WDFY1: variants seen among roughly 807,000 people sequenced by gnomAD.
The protein encoded by WDFY1 is WD repeat and FYVE domain-containing protein 1.
In WDFY1, 32 loss-of-function variants were observed where a neutral mutation model predicts 56.4. That is an observed-to-expected ratio of 0.57 (90% CI 0.43 to 0.76). WDFY1 has a LOEUF of 0.76. Among genes scored for constraint, WDFY1 ranks in the 30% least tolerant of loss-of-function variants. WDFY1 has a pLI of 0.00. For synonymous variants in WDFY1, 192 were observed against 197.3 expected (o/e 0.97, Z 0.23); for missense variants, 480 against 545.7 (o/e 0.88, Z 1.20).
intron 1 of WDFY1, among the ~76,000 whole-genome samples, chr2:223,933,664 A>G (rs1694118972): frequency 6.6e-6 from 1 of 152,060 alleles, no homozygotes; most frequent in Non-Finnish European, 1.5e-5. Flanking sequence ...TACAAAAAAT[A>G]AAAATAAATT....
chr2:223,925,215 TAAAAAA>T (rs35020883), intron 1 of WDFY1, among the ~76,000 whole-genome samples: 1 of 139,690 alleles, frequency 7.2e-6, no homozygotes. Flanking sequence ...TTTTTGTTCC[TAAAAAA>T]AAAAAAAAAA....
chr2:223,889,405 C>A (rs1213706235), intron 8 of WDFY1, among the ~76,000 whole-genome samples: 1 of 152,148 alleles, frequency 6.6e-6, no homozygotes, highest in Non-Finnish European at 1.5e-5. Flanking sequence ...TGTCCCTACC[C>A]ACATCTCACT....
At chr2:223,935,965 C>CTGACT in intron 1 of WDFY1, among the ~76,000 whole-genome samples, 1 of 150,918 alleles carries the variant, frequency 6.6e-6, no homozygotes, top group East Asian at 1.9e-4. Context: ...AGAACACACA[C>CTGACT]TGACTTCACT....
At chr2:223,928,751 G>A (rs1392764392) in intron 1 of WDFY1, among the ~76,000 whole-genome samples, 3 of 152,212 alleles carry the variant, frequency 2.0e-5, no homozygotes, top group African/African-American at 7.2e-5. Flanking sequence ...GATGCCAGAG[G>A]CTTCAGTTGT....
At chr2:223,882,630 ATAT>A (rs917833437) in intron 9 of WDFY1, among the ~76,000 whole-genome samples, 4 of 152,346 alleles carry the variant, frequency 2.6e-5, no homozygotes, top group South Asian at 2.1e-4. Flanking sequence ...TTAACAAACA[ATAT>A]TATTAACAAC....
chr2:223,923,563 C>T (rs1013204378), intron 1 of WDFY1, among the ~76,000 whole-genome samples: 1 of 152,120 alleles, frequency 6.6e-6, no homozygotes, highest in Admixed American at 6.5e-5. Context: ...AGATCGAGAC[C>T]ATCCTGGCTA....
At position 223,941,683 on chromosome 2, in the gene WDFY1, C is replaced by G. The variant is rs1280601130; in HGVS notation, c.137+3465G>C. On this transcript the variant is annotated intron_variant, in intron 1 of 11. Coordinates refer to ENST00000233055, the MANE Select transcript of WDFY1 (RefSeq NM_020830.5). ...TCCCCCACAGGTCTAGCATGGGCCCCACACACGTGCTGGGATTACAGGCGT... is the reference window on the plus strand; with the variant it reads ...TCCCCCACAGGTCTAGCATGGGCCCGACACACGTGCTGGGATTACAGGCGT... 3.3e-5 allele frequency among the ~76,000 whole-genome samples: 5 copies of G among 151,944 alleles called. No individual in the cohort carries two copies. In the East Asian group the frequency reaches 9.8e-4, roughly 30 times the overall value.
chr2:223,926,084 GA>G (rs1208093362), intron 1 of WDFY1, among the ~76,000 whole-genome samples: 2 of 152,172 alleles, frequency 1.3e-5, no homozygotes, highest in Non-Finnish European at 2.9e-5. Context: ...ATCCTTTCCA[GA>G]AGGTTTTCAA....
intron 1 of WDFY1, among the ~76,000 whole-genome samples, chr2:223,942,826 C>T (rs1320918422): frequency 6.7e-6 from 1 of 149,558 alleles, no homozygotes; most frequent in Non-Finnish European, 1.5e-5. Context: ...TGAGCCACCG[C>T]GCCCGGCCCA....
chr2:223,912,216 T>C (rs375446221), intron 3 of WDFY1, 37 bp downstream of exon 3: 2 of 1,573,034 alleles, frequency 1.3e-6, no homozygotes, highest in Non-Finnish European at 1.7e-6. Flanking sequence ...GAATATAATA[T>C]AAAGAATACA....
intron 1 of WDFY1, among the ~76,000 whole-genome samples, chr2:223,919,902 T>C (rs1254059347): frequency 6.6e-6 from 1 of 152,108 alleles, no homozygotes; most frequent in East Asian, 1.9e-4. Flanking sequence ...ACCCTGACCA[T>C]AGCACTTCCC....
chr2:223,913,905 TCTAA>T (rs1693744983), intron 2 of WDFY1, among the ~76,000 whole-genome samples: 2 of 152,024 alleles, frequency 1.3e-5, no homozygotes, highest in African/African-American at 4.8e-5. Flanking sequence ...AAAGGAGGTT[TCTAA>T]CTGAGATAAG....
chr2:223,935,981 C>G (rs1225465801), intron 1 of WDFY1, among the ~76,000 whole-genome samples: 2 of 142,832 alleles, frequency 1.4e-5, no homozygotes, highest in Non-Finnish European at 3.0e-5. Context: ...TCACTGGACA[C>G]AAAAGAACCA....
At chr2:223,916,905 C>G (rs1693797513) in intron 2 of WDFY1, among the ~76,000 whole-genome samples, 1 of 150,788 alleles carries the variant, frequency 6.6e-6, no homozygotes, top group South Asian at 2.1e-4. Flanking sequence ...ACCTCTGCTT[C>G]CCGGATTGAA....
intron 8 of WDFY1, among the ~76,000 whole-genome samples, chr2:223,892,408 T>G (rs998479486): frequency 6.6e-6 from 1 of 152,222 alleles, no homozygotes; most frequent in African/African-American, 2.4e-5. Flanking sequence ...CTATCTGACT[T>G]GTCTTACAAA....
In WDFY1 at chr2:223,884,765, G is replaced by A. The variant is rs1339341149; in HGVS notation, c.832-16C>T. On this transcript the variant is annotated splice_polypyrimidine_tract_variant and intron_variant, in intron 8 of 11. Coordinates refer to ENST00000233055, the MANE Select transcript of WDFY1 (RefSeq NM_020830.5). Reference sequence around the variant, plus strand: ...ACTGAGGAGCCTGGGGGAGCAGAAAGTCAAAGCCACCATCAGTGTGTCTAT... The same window carrying A: ...ACTGAGGAGCCTGGGGGAGCAGAAAATCAAAGCCACCATCAGTGTGTCTAT... 1 of 1,610,200 alleles carries A rather than the reference G, an allele frequency of 6.2e-7. No homozygotes were observed. Among genetic ancestry groups the A allele is most frequent in the Non-Finnish European group, 8.5e-7 (1 of 1,176,892 alleles).
intron 10 of WDFY1, among the ~76,000 whole-genome samples, chr2:223,881,653 T>TG (rs1369958256): frequency 1.3e-5 from 2 of 151,854 alleles, no homozygotes; most frequent in Non-Finnish European, 2.9e-5. Context: ...AGCCAGGTGG[T>TG]GGGGGGCGCC....
chr2:223,897,824 GTTGT>G (rs1285552722), intron 6 of WDFY1, among the ~76,000 whole-genome samples: 2 of 151,894 alleles, frequency 1.3e-5, no homozygotes, highest in African/African-American at 4.8e-5. Context: ...TTGAGATATG[GTTGT>G]TTAAAAGTGT....
chr2:223,904,015 G>A (rs649160), intron 4 of WDFY1, among the ~76,000 whole-genome samples: 141,726 of 152,260 alleles, frequency 0.93, 66,034 homozygotes, highest in South Asian at 0.96. Flanking sequence ...CTCCAAACTC[G>A]TAGGTATATA....
Sources: allele counts gnomAD v4.1 joint callset (sites outside exome capture counted in the v4.1 genomes callset), GRCh38; gene constraint gnomAD v4.1.1; transcripts MANE v1.5; gene names NCBI Gene and HGNC (gene_info 2026-07-23, HGNC 2026-07-21).